DPP6: variants seen among roughly 807,000 people sequenced by gnomAD.
The protein encoded by DPP6 is A-type potassium channel modulatory protein DPP6.
In DPP6, 69 loss-of-function variants were observed where a neutral mutation model predicts 122.6. That is an observed-to-expected ratio of 0.56 (90% confidence interval 0.46 to 0.69). The LOEUF is 0.69. Ranked by LOEUF, DPP6 falls within the 30% of genes least tolerant of loss-of-function variation. DPP6 has a pLI of 0.00. For missense variants in DPP6, 928 were observed against 1,116.9 expected (o/e 0.83, Z 2.41); for synonymous variants, 418 against 433.1 (o/e 0.97, Z 0.43).
Position 154,483,167 on chromosome 7 carries a change from G to C in DPP6, c.457+8130G>C, listed in dbSNP as rs140833464. Among the ~76,000 whole-genome samples, 2 of 152,148 alleles carry C rather than the reference G, an allele frequency of 1.3e-5. No homozygotes were observed. Among genetic ancestry groups the C allele is most frequent in the East Asian group, 3.9e-4 (2 of 5,146 alleles). On this transcript the variant is annotated intron_variant, in intron 3 of 25. Coordinates refer to ENST00000377770, the MANE Select transcript of DPP6 (RefSeq NM_130797.4). This position sits in a 1 kb window ranked among gnomAD's most constrained non-coding sequence, Gnocchi z 8.1. Reference sequence around the variant, plus strand: ...GAGGCAGGAGGAGAACTTCTACCACGCCACGTCAAAGTCAAGGCAGGAGAA... The same window carrying C: ...GAGGCAGGAGGAGAACTTCTACCACCCCACGTCAAAGTCAAGGCAGGAGAA...
chr7:154,060,642 G>A (rs1801660355), intron 1 of DPP6, among the ~76,000 whole-genome samples: 2 of 147,762 alleles, frequency 1.4e-5, no homozygotes, highest in Admixed American at 6.7e-5. Flanking sequence ...GCAGGAGGGG[G>A]AGGCACCCCC....
intron 1 of DPP6, among the ~76,000 whole-genome samples, chr7:153,958,068 G>A (rs1795147457): frequency 6.6e-6 from 1 of 152,136 alleles, no homozygotes; most frequent in Non-Finnish European, 1.5e-5. Context: ...GGAGGCTAAG[G>A]CAGGAGAATC....
intron 1 of DPP6, among the ~76,000 whole-genome samples, chr7:154,155,361 C>A (rs1466761780): frequency 3.3e-5 from 5 of 152,186 alleles, no homozygotes; most frequent in Admixed American, 2.6e-4. Flanking sequence ...TGGCTGAGTT[C>A]TTCAGAGAAA....
chr7:154,833,364 G>T lies in DPP6; in HGVS notation c.1667-20416G>T, dbSNP rs537068664. ...CAAGAAAAGGAGTGTTTGGTAACTG[G>T]TAAAAATGGGGTGTGGGGAGGAAAA... On this transcript the variant is annotated intron_variant, in intron 16 of 25. Transcript: ENST00000377770. The surrounding 1 kb of genome is among the most constrained non-coding windows in gnomAD (Gnocchi z 4.3). Among the ~76,000 whole-genome samples, 93 of 152,310 alleles carry T rather than the reference G, an allele frequency of 6.1e-4. No individual in the cohort carries two copies. The highest frequency in any genetic ancestry group is 2.2e-3 in the African/African-American group (90 of 41,564).
chr7:154,450,615 G>A (rs920526797), intron 2 of DPP6, among the ~76,000 whole-genome samples: 14 of 152,174 alleles, frequency 9.2e-5, no homozygotes, highest in African/African-American at 3.1e-4. Flanking sequence ...CTTCGTGAAT[G>A]GAGCACAGTT....
chr7:154,462,807 C>G (rs1821410713), intron 2 of DPP6, among the ~76,000 whole-genome samples: 2 of 131,910 alleles, frequency 1.5e-5, no homozygotes, highest in Admixed American at 7.9e-5. Flanking sequence ...CCCCTCCCCC[C>G]ACCCCACAAC....
chr7:154,327,261 G>C (rs1442820342), intron 1 of DPP6, among the ~76,000 whole-genome samples: 1 of 152,194 alleles, frequency 6.6e-6, no homozygotes, highest in Non-Finnish European at 1.5e-5. Flanking sequence ...AAAAAGCCGT[G>C]TTAAGTGCTT....
At chr7:154,166,964 C>G (rs1797283176) in intron 1 of DPP6, among the ~76,000 whole-genome samples, 1 of 148,598 alleles carries the variant, frequency 6.7e-6, no homozygotes, top group African/African-American at 2.6e-5. Context: ...CACTGCACTC[C>G]AGCCTGGGTG....
intron 1 of DPP6, among the ~76,000 whole-genome samples, chr7:154,435,152 A>G (rs1365500475): frequency 6.6e-6 from 1 of 152,124 alleles, no homozygotes; most frequent in Non-Finnish European, 1.5e-5. Context: ...TTTCATTTAA[A>G]TTGTGGATTA....
At chr7:153,867,288 A>G in the DPP6 span, among the ~76,000 whole-genome samples, 2 of 152,142 alleles carry the variant, frequency 1.3e-5, no homozygotes, top group Non-Finnish European at 2.9e-5. Flanking sequence ...ATGAGCGTGG[A>G]ATGTTCTTCC....
chr7:153,933,525 G>A (rs985079618), intron 1 of DPP6, among the ~76,000 whole-genome samples: 1 of 152,188 alleles, frequency 6.6e-6, no homozygotes, highest in Non-Finnish European at 1.5e-5. Context: ...TTCTCTGGAT[G>A]CTTCACTATC....
At chr7:153,880,428 TG>T in the DPP6 span, among the ~76,000 whole-genome samples, 1 of 152,254 alleles carries the variant, frequency 6.6e-6, no homozygotes, top group Non-Finnish European at 1.5e-5. Flanking sequence ...GATATTCTCA[TG>T]TATAAAAGAG....
intron 1 of DPP6, among the ~76,000 whole-genome samples, chr7:154,074,042 A>ATCTAT (rs1411334813): frequency 0.049 from 4,949 of 101,882 alleles, no homozygotes; most frequent in Admixed American, 0.071. Flanking sequence ...TATGTATGTA[A>ATCTAT]GTATCTATCT....
At chr7:154,255,347 A>G (rs1435026101) in intron 1 of DPP6, among the ~76,000 whole-genome samples, 1 of 152,234 alleles carries the variant, frequency 6.6e-6, no homozygotes, top group Non-Finnish European at 1.5e-5. Flanking sequence ...TAGTTAGACA[A>G]TTAGAGTTAT....
At chr7:154,294,729 G>T (rs1198995805) in intron 1 of DPP6, among the ~76,000 whole-genome samples, 2 of 141,240 alleles carry the variant, frequency 1.4e-5, no homozygotes, top group African/African-American at 5.2e-5. Context: ...GCCCCAGACA[G>T]GGGACAACTC....
intron 1 of DPP6, among the ~76,000 whole-genome samples, chr7:154,142,529 A>G (rs1057210391): frequency 1.3e-5 from 2 of 152,136 alleles, no homozygotes; most frequent in Non-Finnish European, 2.9e-5. Context: ...CAAACCATTT[A>G]TTCATTGCAT....
At chr7:153,919,595 C>T (rs1415736326) in intron 1 of DPP6, among the ~76,000 whole-genome samples, 1 of 152,152 alleles carries the variant, frequency 6.6e-6, no homozygotes, top group South Asian at 2.1e-4. Flanking sequence ...AAAAAGTACA[C>T]GTTAATCCAA....
At chr7:154,058,481 G>C (rs1374221809) in intron 1 of DPP6, 1 of 140,924 alleles carries the variant, frequency 7.1e-6, no homozygotes, top group Non-Finnish European at 1.6e-5. Context: ...ATCGTAGGGG[G>C]GGGGAGGCAC....
chr7:153,794,690 G>A, the DPP6 span, among the ~76,000 whole-genome samples: 2 of 152,084 alleles, frequency 1.3e-5, no homozygotes, highest in Admixed American at 6.6e-5. Flanking sequence ...GGAATGATAT[G>A]GTTCGGCTCT....
Sources: gnomAD v4.1 joint callset for allele counts (sites outside exome capture counted in the v4.1 genomes callset) on GRCh38, gnomAD v4.1.1 for gene constraint, Gnocchi (gnomAD v3.1) non-coding constraint, MANE v1.5 for transcripts, NCBI Gene and HGNC (gene_info 2026-07-23, HGNC 2026-07-21) for gene names.